The following SLC17A5 variants were observed in gnomAD, a reference collection of about 807,000 sequenced individuals.
SLC17A5 encodes sialin.
Under a neutral mutation model 59.4 loss-of-function variants are expected in SLC17A5, and 47 were observed. The observed-to-expected ratio is 0.79, with a 90% CI of 0.63 to 1.01. SLC17A5 has a LOEUF of 1.01. SLC17A5 is among the 50% of genes least tolerant of loss of function. The pLI is 0.00. For synonymous variants in SLC17A5, 202 were observed against 210.7 expected (o/e 0.96, Z 0.36); for missense variants, 522 against 595.5 (o/e 0.88, Z 1.28).
intron 1 of SLC17A5, among the ~76,000 whole-genome samples, chr6:73,646,957 T>C (rs1769606204): frequency 6.6e-6 from 1 of 152,196 alleles, no homozygotes; most frequent in Admixed American, 6.5e-5. Flanking sequence ...ATTATAGACG[T>C]GAGCCACTGT....
intron 6 of SLC17A5, among the ~76,000 whole-genome samples, chr6:73,627,687 G>GGT (rs1768495018): frequency 6.6e-6 from 1 of 150,464 alleles, no homozygotes; most frequent in African/African-American, 2.4e-5. Flanking sequence ...GGAGTGCAGT[G>GGT]GCACGATCTC....
chr6:73,653,190 C>T, intron 1 of SLC17A5: 1 of 985,416 alleles, frequency 1.0e-6, no homozygotes, highest in Non-Finnish European at 1.2e-6. Context: ...CTGGGTTATA[C>T]AATAGTTGCC....
At chr6:73,605,821 T>C (rs1767365875) in intron 9 of SLC17A5, among the ~76,000 whole-genome samples, 1 of 151,616 alleles carries the variant, frequency 6.6e-6, no homozygotes, top group African/African-American at 2.4e-5. Flanking sequence ...CTACTAAAAA[T>C]ACAAAATTAG....
Position 73,595,049 on chromosome 6 carries a change from AT to A in SLC17A5, c.*27del. 1 of 1,613,156 alleles carries A rather than the reference AT, an allele frequency of 6.2e-7. No individual in the cohort carries two copies. The highest frequency in any genetic ancestry group is 8.5e-7 in the Non-Finnish European group (1 of 1,179,168). On this transcript the variant is annotated 3_prime_UTR_variant, in exon 11 of 11. Coordinates refer to ENST00000355773, the MANE Select transcript of SLC17A5 (RefSeq NM_012434.5). Reference sequence around the variant, plus strand: ...TTACATGATAAATAAAAATACATTAATAGAGGCAGGATTATTTATTGGTTCC... The same window carrying A: ...TTACATGATAAATAAAAATACATTAAAGAGGCAGGATTATTTATTGGTTCC...
intron 1 of SLC17A5, chr6:73,645,343 A>G: frequency 1.0e-6 from 1 of 985,416 alleles, no homozygotes; most frequent in Non-Finnish European, 1.2e-6. Context: ...ATTAATACTT[A>G]AAGCCATCGT....
chr6:73,648,762 A>G (rs1336380777), intron 1 of SLC17A5, among the ~76,000 whole-genome samples: 2 of 152,140 alleles, frequency 1.3e-5, no homozygotes, highest in Non-Finnish European at 2.9e-5. Context: ...ACAGTCAGAG[A>G]AGGCCTCTTG....
intron 9 of SLC17A5, among the ~76,000 whole-genome samples, chr6:73,610,177 G>A (rs1462318338): frequency 1.3e-5 from 2 of 151,986 alleles, no homozygotes; most frequent in Non-Finnish European, 2.9e-5. Flanking sequence ...GGGATTACAG[G>A]TGCCCGCCAT....
At chr6:73,616,745 A>G (rs535268161) in intron 7 of SLC17A5, among the ~76,000 whole-genome samples, 7 of 151,846 alleles carry the variant, frequency 4.6e-5, no homozygotes, top group Admixed American at 1.3e-4. Flanking sequence ...AGTAGCTACG[A>G]TTGCAGGCGT....
chr6:73,598,909 G>A (rs931004551), intron 10 of SLC17A5, among the ~76,000 whole-genome samples: 3 of 152,052 alleles, frequency 2.0e-5, no homozygotes, highest in East Asian at 3.9e-4. Context: ...GCCGGAACCC[G>A]GGAGGCAAAG....
intron 6 of SLC17A5, among the ~76,000 whole-genome samples, chr6:73,624,926 T>C (rs928300197): frequency 1.3e-5 from 2 of 152,142 alleles, no homozygotes; most frequent in Admixed American, 6.6e-5. Context: ...CACCTGTTTA[T>C]TGATTCTTGC....
At chr6:73,639,719 G>A (rs1484253477) in intron 3 of SLC17A5, among the ~76,000 whole-genome samples, 2 of 152,206 alleles carry the variant, frequency 1.3e-5, no homozygotes, top group Non-Finnish European at 2.9e-5. Context: ...GAAGAAGGAC[G>A]AGAGAACCTG....
intron 8 of SLC17A5, among the ~76,000 whole-genome samples, chr6:73,611,013 C>T (rs981002467): frequency 3.3e-5 from 5 of 152,062 alleles, no homozygotes; most frequent in South Asian, 4.1e-4. Flanking sequence ...GAGGCTGAGG[C>T]GGGAGAATCA....
chr6:73,601,463 G>C (rs1374003617), intron 9 of SLC17A5, among the ~76,000 whole-genome samples: 1 of 138,012 alleles, frequency 7.2e-6, no homozygotes, highest in African/African-American at 2.7e-5. Context: ...AGGGAGGTGG[G>C]GGGGTCAGCA....
chr6:73,653,561 T>C, intron 1 of SLC17A5: 1 of 829,844 alleles, frequency 1.2e-6, no homozygotes, highest in Non-Finnish European at 1.4e-6. Flanking sequence ...AGGCCCCGGC[T>C]CGGCTCCGCG....
Position 73,635,472 on chromosome 6 carries a change from C to T in SLC17A5, c.729G>A (p.Leu243=), listed in dbSNP as rs1207694346. The change falls in exon 6 of 11, where the codon TTG becomes TTA. Residue 243 remains leucine (L), a synonymous_variant. Coordinates refer to ENST00000355773, the MANE Select transcript of SLC17A5 (RefSeq NM_012434.5). ...GTGTGTCACTAACTAACCAGATCCACAAAAGAAACCAAAATATTCCAATAG... is the reference window on the plus strand; with the variant it reads ...GTGTGTCACTAACTAACCAGATCCATAAAAGAAACCAAAATATTCCAATAG... ...FGTIGIFWFL[L]WIWLVSDTPQ... 1.3e-6 allele frequency: 2 copies of T among 1,590,838 alleles called. No individual in the cohort carries two copies. Among genetic ancestry groups the T allele is most frequent in the Admixed American group, 3.4e-5 (2 of 59,538 alleles).
At chr6:73,650,636 A>G (rs1259588662) in intron 1 of SLC17A5, among the ~76,000 whole-genome samples, 1 of 151,292 alleles carries the variant, frequency 6.6e-6, no homozygotes, top group Non-Finnish European at 1.5e-5. Context: ...TTGAGGCTGC[A>G]GTAAGACCTG....
Position 73,653,841 on chromosome 6 carries a change from T to G in SLC17A5, c.46A>C (p.Ser16Arg). Residue 16 changes from serine (S) to arginine (R), a missense_variant, in exon 1 of 11, where the codon AGC becomes CGC. Physicochemically the swap from Ser to Arg is moderately radical, Grantham distance 110 (BLOSUM62 -1). This residue lies in a region of SLC17A5 where 338 missense variants were observed against 363.8 expected (regional missense o/e 0.93). Transcript: ENST00000355773. The part of the protein sequence containing the change: ...RDLARNDGEE[S>R]TDRTPLLPGA... ...GGTAGAAGAGGCGTGCGGTCCGTGCTCTCCTCGCCATCGTTCCGGGCCAGG... is the reference window on the plus strand; with the variant it reads ...GGTAGAAGAGGCGTGCGGTCCGTGCGCTCCTCGCCATCGTTCCGGGCCAGG... 1 of 1,606,206 alleles carries G rather than the reference T, an allele frequency of 6.2e-7. No homozygotes were observed. The highest frequency in any genetic ancestry group is 1.3e-5 in the African/African-American group (1 of 74,804).
chr6:73,643,406 T>C (rs545111359), intron 2 of SLC17A5, among the ~76,000 whole-genome samples: 4 of 152,132 alleles, frequency 2.6e-5, no homozygotes, highest in South Asian at 4.2e-4. Context: ...GTGATCCATG[T>C]GCCTCGGCCT....
At chr6:73,609,775 T>C (rs371511813) in intron 9 of SLC17A5, among the ~76,000 whole-genome samples, 37 of 152,348 alleles carry the variant, frequency 2.4e-4, no homozygotes, top group African/African-American at 8.9e-4. Flanking sequence ...GCTTTAATTA[T>C]TGTGTAAATT....
Sources: gnomAD v4.1 joint callset for allele counts (sites outside exome capture counted in the v4.1 genomes callset) on GRCh38, gnomAD v4.1.1 for gene constraint, gnomAD v4.1.1 regional missense constraint, MANE v1.5 for transcripts, NCBI Gene and HGNC (gene_info 2026-07-23, HGNC 2026-07-21) for gene names.